Variants in GOLGB1 observed in about 807,000 individuals in gnomAD.
GOLGB1 encodes the protein golgin B1, also known as golgin subfamily B member 1.
Under a neutral mutation model 336.9 loss-of-function variants are expected in GOLGB1, and 174 were observed. That is an observed-to-expected ratio of 0.52 (90% CI 0.46 to 0.59). GOLGB1 has a LOEUF of 0.59. GOLGB1 is among the 20% of genes least tolerant of loss of function. The pLI is 0.00. For missense variants in GOLGB1, 3,331 were observed against 3,645.3 expected (o/e 0.91, Z 2.22); for synonymous variants, 1,208 against 1,289.2 (o/e 0.94, Z 1.35).
chr3:121,737,679 G>T (rs954165086), intron 1 of GOLGB1, among the ~76,000 whole-genome samples: 1 of 150,690 alleles, frequency 6.6e-6, no homozygotes, highest in East Asian at 1.9e-4. Context: ...TCAGCAAGAA[G>T]AAATATAAAA....
intron 10 of GOLGB1, among the ~76,000 whole-genome samples, chr3:121,712,608 T>C (rs1362320146): frequency 6.6e-6 from 1 of 152,130 alleles, no homozygotes; most frequent in Admixed American, 6.5e-5. Context: ...TCCTACTTGA[T>C]AATAAAAAGA....
intron 2 of GOLGB1, among the ~76,000 whole-genome samples, chr3:121,730,405 T>C (rs1212354330): frequency 6.6e-6 from 1 of 152,128 alleles, no homozygotes; most frequent in Non-Finnish European, 1.5e-5. Context: ...TAATTCCTTA[T>C]GTGGACTTCA....
intron 17 of GOLGB1, among the ~76,000 whole-genome samples, chr3:121,674,467 T>C (rs1360147274): frequency 8.5e-5 from 13 of 152,284 alleles, no homozygotes; most frequent in Admixed American, 8.5e-4. Flanking sequence ...ATAGTTGTTA[T>C]ACTGTATTTT....
intron 17 of GOLGB1, 76 bp from the exon 18 acceptor site, chr3:121,669,431 G>C: frequency 4.2e-6 from 5 of 1,192,030 alleles, no homozygotes; most frequent in Non-Finnish European, 5.9e-6. Context: ...TGAGTTTTCA[G>C]GATCTAATTT....
chr3:121,719,351 C>T (rs996590266), intron 7 of GOLGB1, among the ~76,000 whole-genome samples: 1 of 152,084 alleles, frequency 6.6e-6, no homozygotes, highest in African/African-American at 2.4e-5. Context: ...GTGTGTAATG[C>T]ACAAAGGTAG....
chr3:121,726,871 GATTC>G, intron 5 of GOLGB1, 38 bp downstream of exon 5: 1 of 1,446,702 alleles, frequency 6.9e-7, no homozygotes, highest in Non-Finnish European at 9.3e-7. Flanking sequence ...TGGTTTTAGT[GATTC>G]ATTAACCTAA....
At chr3:121,709,065 TAC>T (rs1944126945) in intron 10 of GOLGB1, among the ~76,000 whole-genome samples, 1 of 152,160 alleles carries the variant, frequency 6.6e-6, no homozygotes, top group Admixed American at 6.5e-5. Flanking sequence ...TAATGCCAGA[TAC>T]AGAGAAATGT....
At chr3:121,709,535 T>C (rs1944167722) in intron 10 of GOLGB1, among the ~76,000 whole-genome samples, 1 of 152,154 alleles carries the variant, frequency 6.6e-6, no homozygotes, top group Non-Finnish European at 1.5e-5. Flanking sequence ...AAACCAAGTA[T>C]CTGGATATTC....
intron 3 of GOLGB1, among the ~76,000 whole-genome samples, chr3:121,729,604 A>T (rs1400753854): frequency 2.0e-5 from 3 of 151,794 alleles, no homozygotes; most frequent in Non-Finnish European, 4.4e-5. Context: ...TTTTGTGGAG[A>T]CAGGGTCTCA....
chr3:121,691,164 G>A lies in GOLGB1; in HGVS notation c.8200C>T (p.Leu2734Phe). 6.2e-7 allele frequency: 1 copy of A among 1,613,548 alleles called. No individual in the cohort carries two copies. Among genetic ancestry groups the A allele is most frequent in the South Asian group, 1.1e-5 (1 of 90,958 alleles). ...LLMVTKENKGLTAQIQSFGRS... is the reference protein window; with the variant it reads ...LLMVTKENKGFTAQIQSFGRS... ...CCAAAAGACTGAATTTGTGCTGTGA[G>A]ACCTTTATTTTCTTTGGTGACCATG... Residue 2734 changes from leucine to phenylalanine, a missense_variant, in exon 14 of 22, where the codon CTC becomes TTC. Coordinates refer to ENST00000614479, the MANE Select transcript of GOLGB1 (RefSeq NM_001366282.2).
At chr3:121,745,517 T>C (rs1335652088) in intron 1 of GOLGB1, among the ~76,000 whole-genome samples, 1 of 149,792 alleles carries the variant, frequency 6.7e-6, no homozygotes. Flanking sequence ...TATGTATATA[T>C]ACATATGTAT....
At chr3:121,737,163 A>C (rs578117863) in intron 1 of GOLGB1, among the ~76,000 whole-genome samples, 7 of 152,276 alleles carry the variant, frequency 4.6e-5, no homozygotes, top group Admixed American at 2.0e-4. Flanking sequence ...TCCAAAATCA[A>C]TTTACTTTTA....
intron 1 of GOLGB1, among the ~76,000 whole-genome samples, chr3:121,740,385 A>C (rs1946770527): frequency 6.6e-6 from 1 of 152,216 alleles, no homozygotes; most frequent in Admixed American, 6.5e-5. Flanking sequence ...CTTCATATTT[A>C]AAAAACAAAT....
Position 121,693,921 on chromosome 3 carries a change from G to T in GOLGB1, c.6602C>A (p.Ser2201Tyr), listed in dbSNP as rs780173338. The T allele has an allele frequency of 1.2e-6, 2 of 1,613,932 alleles. No individual in the cohort carries two copies. The highest frequency in any genetic ancestry group is 4.5e-5 in the East Asian group (2 of 44,878). ...QLAAFTKSMSSLQDDRDRVID... is the reference protein window; with the variant it reads ...QLAAFTKSMSYLQDDRDRVID... ...CACCCTGTCACGATCATCCTGGAGG[G>T]AAGACATGCTCTTAGTAAAGGCTGC... The change falls in exon 13 of 22, where the codon TCC (serine) becomes TAC (tyrosine). Residue 2201 changes from serine to tyrosine, a missense_variant. Transcript: ENST00000614479.
In GOLGB1 at chr3:121,669,369, G is replaced by T; in HGVS notation, c.9178-14C>A. On this transcript the variant is annotated splice_polypyrimidine_tract_variant and intron_variant, in intron 17 of 21. Transcript: ENST00000614479. ...TAGCTGAGAGAACTGAAACAGAGGCGAGGATAAGCATCATCCTGCAGTACT... is the reference window on the plus strand; with the variant it reads ...TAGCTGAGAGAACTGAAACAGAGGCTAGGATAAGCATCATCCTGCAGTACT... 1 of 1,611,162 alleles carries T rather than the reference G, an allele frequency of 6.2e-7. No homozygotes were observed. The highest frequency in any genetic ancestry group is 1.1e-5 in the South Asian group (1 of 90,960).
At position 121,702,584 on chromosome 3, in the gene GOLGB1, C is replaced by T. The variant is rs1383027464; in HGVS notation, c.1416G>A (p.Glu472=). 1 of 1,470,218 alleles carries T rather than the reference C, an allele frequency of 6.8e-7. No individual in the cohort carries two copies. The highest frequency in any genetic ancestry group is 1.4e-5 in the South Asian group (1 of 73,240). The allele number at this position is 1,470,218 out of a possible 1,614,324, so 91.1% of individuals were successfully genotyped here. ...VYNEGTQAVT[E]ENIASLQKRV... ...TCTTCTGCAAAGAAGCAATATTCTC[C>T]TCAGTGACTGCCTAAATTGTAGAAA... Residue 472 remains glutamate (E), a synonymous_variant, in exon 11 of 22, where the codon GAG becomes GAA. Coordinates refer to ENST00000614479, the MANE Select transcript of GOLGB1 (RefSeq NM_001366282.2).
intron 11 of GOLGB1, among the ~76,000 whole-genome samples, chr3:121,700,734 T>G (rs1943332627): frequency 6.6e-6 from 1 of 152,204 alleles, no homozygotes; most frequent in East Asian, 1.9e-4. Context: ...TACTGCTTTT[T>G]TCTCTGCCTG....
intron 15 of GOLGB1, among the ~76,000 whole-genome samples, chr3:121,681,456 A>T (rs1166690850): frequency 1.3e-5 from 2 of 152,222 alleles, no homozygotes; most frequent in African/African-American, 4.8e-5. Flanking sequence ...ACACACAGAT[A>T]GTCAAATCAG....
chr3:121,695,406 G>T lies in GOLGB1; in HGVS notation c.5117C>A (p.Ala1706Glu). Reference sequence around the variant, plus strand: ...TGTATCTCCTGCAGGGTGCACCTCTGCCCTAAGCCGGTCATTCTCTTCTTC... The same window carrying T: ...TGTATCTCCTGCAGGGTGCACCTCTTCCCTAAGCCGGTCATTCTCTTCTTC... ...ELEEENDRLR[A>E]EVHPAGDTAK... is the part of the protein sequence containing the mutation. Residue 1706 changes from alanine to glutamate, a missense_variant, in exon 13 of 22, where the codon GCA becomes GAA. Transcript: ENST00000614479. The T allele has an allele frequency of 2.5e-6, 4 of 1,613,956 alleles. No homozygotes were observed. Among genetic ancestry groups the T allele is most frequent in the Non-Finnish European group, 3.4e-6 (4 of 1,179,946 alleles).
Sources: gnomAD v4.1 joint callset for allele counts (sites outside exome capture counted in the v4.1 genomes callset) on GRCh38, gnomAD v4.1.1 for gene constraint, MANE v1.5 for transcripts, NCBI Gene and HGNC (gene_info 2026-07-23, HGNC 2026-07-21) for gene names.